The following C11orf65 variants were observed in gnomAD, a reference collection of about 807,000 sequenced individuals.
C11orf65 encodes the protein chromosome 11 open reading frame 65, also known as protein MFI.
A neutral mutation model predicts 35.3 loss-of-function variants in C11orf65; 38 were observed. The observed-to-expected ratio is 1.08, with a 90% confidence interval of 0.83 to 1.41. C11orf65 has a LOEUF of 1.41. C11orf65 is among the 40% of genes most tolerant of loss of function. C11orf65 has a pLI of 0.00. For missense variants in C11orf65, 370 were observed against 367.1 expected (o/e 1.01, Z -0.06); for synonymous variants, 105 against 114.4 (o/e 0.92, Z 0.53).
At chr11:108,353,447 T>TA (rs1488044235) in intron 2 of C11orf65, among the ~76,000 whole-genome samples, 1 of 152,126 alleles carries the variant, frequency 6.6e-6, no homozygotes, top group Non-Finnish European at 1.5e-5. Flanking sequence ...ACACCCAGCC[T>TA]AAAAATTTTT....
chr11:108,309,039 T>C, exon 7 of C11orf65: 1 of 1,522,188 alleles, frequency 6.6e-7, no homozygotes, highest in Non-Finnish European at 8.8e-7. Flanking sequence ...TCATATTCCA[T>C]TTTAATGCTG....
intron 2 of C11orf65, among the ~76,000 whole-genome samples, chr11:108,375,394 C>T (rs903574612): frequency 6.6e-6 from 1 of 151,144 alleles, no homozygotes; most frequent in African/African-American, 2.4e-5. Context: ...TAAGCTTCAT[C>T]AGTGAAGTAG....
intron 2 of C11orf65, among the ~76,000 whole-genome samples, chr11:108,459,540 T>C (rs145700683): frequency 3.5e-4 from 54 of 152,286 alleles, no homozygotes; most frequent in African/African-American, 1.2e-3. Context: ...CCCTATGAAA[T>C]GTGTCTAGGC....
intron 3 of C11orf65, among the ~76,000 whole-genome samples, chr11:108,414,873 T>C (rs1242235371): frequency 6.6e-6 from 1 of 152,032 alleles, no homozygotes; most frequent in Non-Finnish European, 1.5e-5. Context: ...CATGATCAAG[T>C]GGGATTTATT....
chr11:108,466,708 T>C (rs1168322441), intron 1 of C11orf65, among the ~76,000 whole-genome samples: 2 of 152,256 alleles, frequency 1.3e-5, no homozygotes, highest in African/African-American at 4.8e-5. Flanking sequence ...ATTATATCCC[T>C]AATCAATAAA....
chr11:108,372,610 T>C (rs1187204378), intron 2 of C11orf65, among the ~76,000 whole-genome samples: 1 of 152,210 alleles, frequency 6.6e-6, no homozygotes, highest in Non-Finnish European at 1.5e-5. Context: ...ATCATTGCAG[T>C]GTAAAGCATC....
At chr11:108,340,586 C>G (rs1467368119) in intron 2 of C11orf65, among the ~76,000 whole-genome samples, 1 of 152,214 alleles carries the variant, frequency 6.6e-6, no homozygotes, top group Admixed American at 6.5e-5. Flanking sequence ...TCTGCAGTCA[C>G]ATCTCTGTAG....
chr11:108,359,158 A>G (rs2090403350), intron 2 of C11orf65, among the ~76,000 whole-genome samples: 2 of 151,398 alleles, frequency 1.3e-5, no homozygotes, highest in South Asian at 4.2e-4. Context: ...AGTCTCTGAT[A>G]AAACAGACTT....
At position 108,316,083 on chromosome 11, in the gene C11orf65, C is replaced by G. The variant is rs1057520449; in HGVS notation, c.641-7012G>C. 6.2e-7 allele frequency: 1 copy of G among 1,614,120 alleles called. No individual in the cohort carries two copies. Among genetic ancestry groups the G allele is most frequent in the Middle Eastern group, 1.6e-4 (1 of 6,062 alleles). ...CATATGACCTCGAAACAGCAATCCC[C>G]TCATCAACACGCCAGGCAGGAATCA... On this transcript the variant is annotated intron_variant, in intron 6 of 6. Coordinates refer to the C11orf65 transcript ENST00000525729.
Position 108,355,046 on chromosome 11 carries a change from C to A in C11orf65, c.227-19754G>T, listed in dbSNP as rs1195124811. The A allele has an allele frequency of 2.7e-5, 17 of 626,182 alleles. No individual in the cohort carries two copies. The Admixed American group carries it at 4.3e-4, about 16-fold the overall frequency. The allele number at this position is 626,182 out of a possible 1,614,324, so 38.8% of individuals were successfully genotyped here. On this transcript the variant is annotated intron_variant, in intron 2 of 3. Coordinates refer to the C11orf65 transcript ENST00000524755. ...TAGCCTTTTCACACATCCAAAAATA[C>A]TGGTTTAGAAATGCCTTCAGCCCCC...
In C11orf65 at chr11:108,345,752, A is replaced by G. The variant is rs730881325; in HGVS notation, c.227-10460T>C. ...TATTCTCTATTTAAAGGAGGTGCAA[A>G]AAAAGTCTTTTGAAGAGAAATATGA... On this transcript the variant is annotated intron_variant, in intron 2 of 3. Transcript: ENST00000524755. 1.2e-6 allele frequency: 2 copies of G among 1,610,722 alleles called. No homozygotes were observed. The highest frequency in any genetic ancestry group is 1.7e-6 in the Non-Finnish European group (2 of 1,177,956).
chr11:108,337,880 A>G (rs1055762996), intron 2 of C11orf65, among the ~76,000 whole-genome samples: 1 of 152,248 alleles, frequency 6.6e-6, no homozygotes, highest in African/African-American at 2.4e-5. Flanking sequence ...AGTAGCTAAG[A>G]TTTCCAAGCA....
downstream of C11orf65, chr11:108,330,369 G>A (rs774281788): frequency 3.7e-6 from 6 of 1,614,156 alleles, no homozygotes; most frequent in Non-Finnish European, 4.2e-6. Flanking sequence ...TTCCGACTTT[G>A]TTCCCTCTGG....
chr11:108,449,909 G>T (rs2093322797), intron 2 of C11orf65, among the ~76,000 whole-genome samples: 1 of 151,432 alleles, frequency 6.6e-6, no homozygotes, highest in South Asian at 2.1e-4. Context: ...CTAATATCAA[G>T]AATCTACAAT....
At chr11:108,349,261 T>C (rs1485763432) in intron 2 of C11orf65, among the ~76,000 whole-genome samples, 3 of 152,164 alleles carry the variant, frequency 2.0e-5, no homozygotes, top group African/African-American at 7.2e-5. Flanking sequence ...ACCTTTGAAT[T>C]TAACAAGTAA....
chr11:108,359,790 C>A (rs1280340194), intron 2 of C11orf65, among the ~76,000 whole-genome samples: 1 of 151,914 alleles, frequency 6.6e-6, no homozygotes, highest in African/African-American at 2.4e-5. Flanking sequence ...GGGACACATT[C>A]AAAGCAGTGT....
At chr11:108,447,249 C>T (rs2135584691) in intron 2 of C11orf65, among the ~76,000 whole-genome samples, 1 of 152,044 alleles carries the variant, frequency 6.6e-6, no homozygotes, top group East Asian at 1.9e-4. Context: ...ACAAGGATAC[C>T]CAGAAATTGA....
At chr11:108,397,439 GAAT>G (rs1301610247) in intron 6 of C11orf65, among the ~76,000 whole-genome samples, 1 of 151,890 alleles carries the variant, frequency 6.6e-6, no homozygotes, top group East Asian at 1.9e-4. Context: ...TAGAGGGAAA[GAAT>G]ATTATAAGAA....
intron 6 of C11orf65, chr11:108,317,636 TATATATATATATATATACACAC>T (rs1243700836): frequency 2.3e-4 from 41 of 176,142 alleles, no homozygotes; most frequent in African/African-American, 1.4e-3. Flanking sequence ...TATATATATA[TATATATATATATATATACACAC>T]ACACACACAC....
Sources: gnomAD v4.1 joint callset for allele counts (sites outside exome capture counted in the v4.1 genomes callset) on GRCh38, gnomAD v4.1.1 for gene constraint, MANE v1.5 for transcripts, NCBI Gene and HGNC (gene_info 2026-07-23, HGNC 2026-07-21) for gene names.